The following DMD variants were observed in gnomAD, a reference collection of about 807,000 sequenced individuals.
DMD encodes mutant dystrophin.
Under a neutral mutation model 330.1 loss-of-function variants are expected in DMD, and 63 were observed. The observed-to-expected ratio is 0.19, with a 90% CI of 0.16 to 0.24. DMD has a LOEUF of 0.24. DMD is among the 10% of genes least tolerant of loss of function. The pLI is 1.00. For missense variants in DMD, 3,344 were observed against 2,684.1 expected, an observed-to-expected ratio of 1.25 and a Z score of -5.43; for synonymous variants, 1,223 against 959.8, an observed-to-expected ratio of 1.27 and a Z score of -5.07.
intron 19 of DMD, among the ~76,000 whole-genome samples, chrX:32,494,207 C>G (rs912739078): frequency 9.9e-5 from 11 of 110,832 alleles, no homozygotes; most frequent in African/African-American, 3.3e-4. Context: ...TATGTTTTGC[C>G]CCCCAAAAAA....
At chrX:32,394,927 A>AAACAAAAAAAAAAAAAAAAAAAAAAAAC (rs1557326888) in intron 30 of DMD, among the ~76,000 whole-genome samples, 1 of 90,773 alleles carries the variant, frequency 1.1e-5, no homozygotes. Context: ...AAAAAAAAAA[A>AAACAAAAAAAAAAAAAAAAAAAAAAAAC]AAAAAAGAAA....
chrX:32,724,164 C>T (rs1000370845), intron 7 of DMD, among the ~76,000 whole-genome samples: 2 of 111,679 alleles, frequency 1.8e-5, no homozygotes, highest in Non-Finnish European at 3.8e-5. Flanking sequence ...AAAATTGGTC[C>T]AACTGGAATG....
At position 31,643,246 on chromosome X, in the gene DMD, A is replaced by C. The variant is rs755098885; in HGVS notation, c.8027+14744T>G. On this transcript the variant is annotated intron_variant, in intron 54 of 78. Coordinates refer to ENST00000357033, the MANE Select transcript of DMD (RefSeq NM_004006.3). ...CCTTCTTATTGACAACATTTGTCCG[A>C]TTATATTAGCAGGTTCCAGGACTAA... is the stretch of plus-strand genomic sequence containing the variant. Among the ~76,000 whole-genome samples the C allele has an allele frequency of 2.7e-5, 3 of 112,006 alleles. No individual in the cohort carries two copies. The South Asian group carries it at 1.1e-3, about 41-fold the overall frequency.
intron 27 of DMD, among the ~76,000 whole-genome samples, chrX:32,444,436 C>CA (rs962395739): frequency 9.1e-6 from 1 of 110,413 alleles, no homozygotes; most frequent in African/African-American, 3.3e-5. Flanking sequence ...AATAAACAAA[C>CA]AAAAACCTTA....
At chrX:33,118,188 G>A (rs1191054931) in intron 1 of DMD, among the ~76,000 whole-genome samples, 1 of 102,475 alleles carries the variant, frequency 9.8e-6, no homozygotes, top group Non-Finnish European at 2.0e-5. Flanking sequence ...TCGGCTCACT[G>A]CAAGCTCCGC....
intron 2 of DMD, among the ~76,000 whole-genome samples, chrX:32,911,710 A>G (rs2087260118): frequency 9.0e-6 from 1 of 111,441 alleles, no homozygotes; most frequent in Non-Finnish European, 1.9e-5. Flanking sequence ...GACATTGTCA[A>G]GTGTTAGAAT....
intron 7 of DMD, among the ~76,000 whole-genome samples, chrX:32,794,131 C>T (rs1292708540): frequency 9.0e-6 from 1 of 111,725 alleles, no homozygotes; most frequent in Non-Finnish European, 1.9e-5. Flanking sequence ...AAACATGATC[C>T]TTTCAATAGA....
chrX:33,227,712 AAGAG>A (rs759143130), intron 1 of DMD, among the ~76,000 whole-genome samples: 23 of 104,748 alleles, frequency 2.2e-4, no homozygotes, highest in East Asian at 5.9e-4. Flanking sequence ...ATAGTTTTTA[AAGAG>A]AGAGAGAGAG....
At chrX:31,320,676 C>T (rs1438721618) in intron 62 of DMD, among the ~76,000 whole-genome samples, 1 of 111,970 alleles carries the variant, frequency 8.9e-6, no homozygotes, top group African/African-American at 3.2e-5. Context: ...GCTAATAAGA[C>T]ACAAGTGCCA....
chrX:31,761,127 C>T (rs372574142), intron 51 of DMD, among the ~76,000 whole-genome samples: 3 of 109,814 alleles, frequency 2.7e-5, no homozygotes, highest in African/African-American at 6.6e-5. Flanking sequence ...CCTCGTGATC[C>T]GCCCGCCTCA....
chrX:32,304,003 T>A (rs1245793352), intron 42 of DMD, among the ~76,000 whole-genome samples: 1 of 111,412 alleles, frequency 9.0e-6, no homozygotes, highest in African/African-American at 3.3e-5. Context: ...GACCTTTTAA[T>A]TTTTTCTTCA....
chrX:31,247,403 C>T (rs1326241885), intron 63 of DMD, among the ~76,000 whole-genome samples: 4 of 109,873 alleles, frequency 3.6e-5, no homozygotes. Flanking sequence ...AGTTTGAGAC[C>T]AGCCTGGCCA....
intron 48 of DMD, among the ~76,000 whole-genome samples, chrX:31,858,876 T>C (rs901487061): frequency 9.0e-6 from 1 of 111,564 alleles, no homozygotes; most frequent in African/African-American, 3.3e-5. Flanking sequence ...TAAATGACAA[T>C]GTAACAAGTG....
chrX:32,648,583 T>C (rs900247146), intron 9 of DMD, among the ~76,000 whole-genome samples: 1 of 111,926 alleles, frequency 8.9e-6, no homozygotes, highest in Non-Finnish European at 1.9e-5. Flanking sequence ...TAAGGTGAGA[T>C]TAAACTTTTT....
chrX:32,045,294 C>T (rs1416444869), intron 44 of DMD, among the ~76,000 whole-genome samples: 1 of 108,106 alleles, frequency 9.3e-6, no homozygotes, highest in African/African-American at 3.4e-5. Context: ...GGATCCCTCA[C>T]AGCTTGATGC....
At chrX:31,505,085 G>A (rs765087687) in intron 56 of DMD, among the ~76,000 whole-genome samples, 3 of 111,941 alleles carry the variant, frequency 2.7e-5, no homozygotes, top group African/African-American at 9.7e-5. Context: ...AGTGATACTC[G>A]GAACAATTAT....
At chrX:32,519,250 TACA>T (rs1217358748) in intron 17 of DMD, among the ~76,000 whole-genome samples, 8 of 92,417 alleles carry the variant, frequency 8.7e-5, no homozygotes, top group Admixed American at 7.2e-4. Flanking sequence ...TGATCTCACT[TACA>T]AGTGGAATCT....
intron 9 of DMD, among the ~76,000 whole-genome samples, chrX:32,670,368 A>G (rs1192599052): frequency 1.8e-5 from 2 of 112,124 alleles, no homozygotes; most frequent in Non-Finnish European, 3.8e-5. Flanking sequence ...TTGATTAGAA[A>G]TAAATTTTAA....
At chrX:31,625,085 T>A (rs1397555414) in intron 55 of DMD, among the ~76,000 whole-genome samples, 2 of 112,133 alleles carry the variant, frequency 1.8e-5, no homozygotes, top group Non-Finnish European at 3.8e-5. Context: ...CATCAAAAGA[T>A]CATTATCCAA....
Sources: gnomAD v4.1 joint callset for allele counts (sites outside exome capture counted in the v4.1 genomes callset) on GRCh38, gnomAD v4.1.1 for gene constraint, MANE v1.5 for transcripts, NCBI Gene and HGNC (gene_info 2026-07-23, HGNC 2026-07-21) for gene names.